Variants in SLC52A3 observed in about 807,000 individuals in gnomAD.
The protein encoded by SLC52A3 is solute carrier family 52, riboflavin transporter, member 3.
SLC52A3 carries 20 observed loss-of-function variants against 29.5 expected under a neutral mutation model. The observed-to-expected ratio is 0.68, with a 90% CI of 0.48 to 0.99. The LOEUF is 0.99. SLC52A3 is among the 50% of genes least tolerant of loss of function. The probability of loss-of-function intolerance (pLI) is 0.00; values close to 1 mark genes in which losing one functional copy is unlikely to be tolerated. For missense variants in SLC52A3, 548 were observed against 612.9 expected, an observed-to-expected ratio of 0.89 and a Z score of 1.12; for synonymous variants, 301 against 271.0, an observed-to-expected ratio of 1.11 and a Z score of -1.09.
At chr20:767,750 A>T (rs1472781073) in intron 1 of SLC52A3, among the ~76,000 whole-genome samples, 1 of 152,202 alleles carries the variant, frequency 6.6e-6, no homozygotes, top group Non-Finnish European at 1.5e-5. Flanking sequence ...TAAGATTTCA[A>T]TCTGGCTTTT....
upstream of SLC52A3, among the ~76,000 whole-genome samples, chr20:777,399 G>A (rs891800465): frequency 2.1e-4 from 32 of 152,070 alleles, no homozygotes; most frequent in African/African-American, 7.2e-4. Flanking sequence ...AATCATTTAT[G>A]TCTACACCTT....
At chr20:769,100 G>A (rs1334078570), upstream of SLC52A3, among the ~76,000 whole-genome samples, 1 of 152,232 alleles carries the variant, frequency 6.6e-6, no homozygotes, top group Non-Finnish European at 1.5e-5. Flanking sequence ...CATTTTGAAG[G>A]TGGAAGGGCC....
rs1013696704 is a variant in SLC52A3, at chr20:761,604, C to T, written c.1197+97G>A. On this transcript the variant is annotated intron_variant, in intron 4 of 4. Coordinates refer to ENST00000645534, the MANE Select transcript of SLC52A3 (RefSeq NM_033409.4). Reference sequence around the variant, plus strand: ...GGGCTTCCCGGGAGGGTCCCACAGACCCCGCTCGCTGGAAAGGGCCGCGCC... The same window carrying T: ...GGGCTTCCCGGGAGGGTCCCACAGATCCCGCTCGCTGGAAAGGGCCGCGCC... 1.9e-6 allele frequency: 3 copies of T among 1,558,980 alleles called. No homozygotes were observed. The African/African-American group carries it at 4.0e-5, about 21-fold the overall frequency.
At chr20:772,715 G>A (rs1986882234), upstream of SLC52A3, among the ~76,000 whole-genome samples, 1 of 152,042 alleles carries the variant, frequency 6.6e-6, no homozygotes, top group Non-Finnish European at 1.5e-5. Context: ...CTGCTCTCAG[G>A]AAGTTGGAGG....
Position 765,779 on chromosome 20 carries a change from GTATCT to G in SLC52A3, c.-10_-6del. On this transcript the variant is annotated 5_prime_UTR_variant, in exon 2 of 5. Coordinates refer to ENST00000645534, the MANE Select transcript of SLC52A3 (RefSeq NM_033409.4). This position sits in a 1 kb window ranked among gnomAD's most constrained non-coding sequence, Gnocchi z 6.6. The stretch of plus-strand genomic sequence containing the variant: ...CAGGTGCATCAGGAAGGCCATGGCG[GTATCT>G]GCCCTGGGCCAGAGGCTTTCTCAGA... The G allele has an allele frequency of 6.1e-5, 99 of 1,611,146 alleles. No individual in the cohort carries two copies. The highest frequency in any genetic ancestry group is 7.7e-5 in the Non-Finnish European group (91 of 1,178,926).
Position 765,238 on chromosome 20 carries a change from A to G in SLC52A3, c.537T>C (p.Pro179=). 1.9e-6 allele frequency: 3 copies of G among 1,614,202 alleles called. No individual in the cohort carries two copies. In the Admixed American group the frequency reaches 5.0e-5, roughly 27 times the overall value. The change falls in exon 2 of 5, where the codon CCT becomes CCC. Residue 179 remains proline (P), a synonymous_variant. Coordinates refer to ENST00000645534, the MANE Select transcript of SLC52A3 (RefSeq NM_033409.4). This position sits in a 1 kb window ranked among gnomAD's most constrained non-coding sequence, Gnocchi z 6.6. Reference sequence around the variant, plus strand: ...CGATGTCAGTCTCCCTCGTGGGTACAGGGCTTGGTACGCTGTCTGATATCT... The same window carrying G: ...CGATGTCAGTCTCCCTCGTGGGTACGGGGCTTGGTACGCTGTCTGATATCT... ...VTEISDSVPS[P]VPTRETDIAQ...
intron 3 of SLC52A3, 73 bp downstream of exon 3, chr20:763,425 T>A: frequency 6.3e-7 from 1 of 1,593,884 alleles, no homozygotes; most frequent in Non-Finnish European, 8.6e-7. Context: ...GCCCAGTAGG[T>A]GCGTTTGGAA....
At chr20:770,858 A>C (rs1052284692), upstream of SLC52A3, among the ~76,000 whole-genome samples, 1 of 152,180 alleles carries the variant, frequency 6.6e-6, no homozygotes, top group Non-Finnish European at 1.5e-5. The surrounding 1 kb of genome is among the most constrained non-coding windows in gnomAD (Gnocchi z 4.5). Flanking sequence ...AAGAGTTAAC[A>C]ATAAGGGAGT....
At chr20:779,590 G>T (rs1219397624), upstream of SLC52A3, among the ~76,000 whole-genome samples, 1 of 152,212 alleles carries the variant, frequency 6.6e-6, no homozygotes, top group Non-Finnish European at 1.5e-5. Context: ...CTGCACTCCA[G>T]GCTGGGCGAC....
At chr20:770,726 T>C (rs1986821914), upstream of SLC52A3, among the ~76,000 whole-genome samples, 3 of 152,242 alleles carry the variant, frequency 2.0e-5, 1 homozygote, top group East Asian at 5.8e-4. The surrounding 1 kb of genome is among the most constrained non-coding windows in gnomAD (Gnocchi z 4.5). Context: ...ATGTCTTTTG[T>C]TTCCAAAGTC....
chr20:765,158 C>T lies in SLC52A3; in HGVS notation c.567+50G>A, dbSNP rs770232217. 8 of 1,607,846 alleles carry T rather than the reference C, an allele frequency of 5.0e-6. No homozygotes were observed. In the African/African-American group the frequency reaches 8.0e-5, roughly 16 times the overall value. On this transcript the variant is annotated intron_variant, in intron 2 of 4. Transcript: ENST00000645534. This position sits in a 1 kb window ranked among gnomAD's most constrained non-coding sequence, Gnocchi z 6.6. ...AGGTGAGCAGTTTTTCCCTCCCCTA[C>T]ATTTGTGATAAAGCCAAGTGCTGAG... is the stretch of plus-strand genomic sequence containing the variant.
Position 761,199 on chromosome 20 carries a change from C to G in SLC52A3, c.1237G>C (p.Val413Leu). 9 of 1,563,510 alleles carry G rather than the reference C, an allele frequency of 5.8e-6. No individual in the cohort carries two copies. Among genetic ancestry groups the G allele is most frequent in the Non-Finnish European group, 6.9e-6 (8 of 1,155,310 alleles). ...AGGACCACGCCCAGCATCACCTTGACGTAACTGAGGCAGCCGCTGAAAAGC... is the reference window on the plus strand; with the variant it reads ...AGGACCACGCCCAGCATCACCTTGAGGTAACTGAGGCAGCCGCTGAAAAGC... ...WVLFSGCLSYVKVMLGVVLRD... is the reference protein window; with the variant it reads ...WVLFSGCLSYLKVMLGVVLRD... Residue 413 changes from valine to leucine, a missense_variant, in exon 5 of 5, where the codon GTC becomes CTC. Coordinates refer to ENST00000645534, the MANE Select transcript of SLC52A3 (RefSeq NM_033409.4).
chr20:765,706 G>A lies in SLC52A3; in HGVS notation c.69C>T (p.Leu23=). 1 of 1,613,804 alleles carries A rather than the reference G, an allele frequency of 6.2e-7. No individual in the cohort carries two copies. Among genetic ancestry groups the A allele is most frequent in the Non-Finnish European group, 8.5e-7 (1 of 1,179,966 alleles). The change falls in exon 2 of 5, where the codon CTC becomes CTT. Residue 23 remains leucine, a synonymous_variant. Coordinates refer to ENST00000645534, the MANE Select transcript of SLC52A3 (RefSeq NM_033409.4). The surrounding 1 kb of genome is among the most constrained non-coding windows in gnomAD (Gnocchi z 6.6). ...TCACCAGCAGGGGCAGCTCTACCCAGAGCCCATTGATGGTCACCCAGGAGC... is the reference window on the plus strand; with the variant it reads ...TCACCAGCAGGGGCAGCTCTACCCAAAGCCCATTGATGGTCACCCAGGAGC... ...GMGSWVTING[L]WVELPLLVME...
intron 1 of SLC52A3, among the ~76,000 whole-genome samples, chr20:775,178 C>T (rs1173680271): frequency 6.6e-6 from 1 of 152,216 alleles, no homozygotes; most frequent in African/African-American, 2.4e-5. Context: ...AACTCCCAGC[C>T]TCCTTCCCAG....
At chr20:772,432 C>T (rs1986870000), upstream of SLC52A3, among the ~76,000 whole-genome samples, 1 of 152,102 alleles carries the variant, frequency 6.6e-6, no homozygotes, top group South Asian at 2.1e-4. Context: ...ACCTCGGGGA[C>T]ACAGTGAGGA....
chr20:770,543 T>C (rs6117550), upstream of SLC52A3, among the ~76,000 whole-genome samples: 4 of 152,226 alleles, frequency 2.6e-5, no homozygotes, highest in Admixed American at 2.0e-4. This position sits in a 1 kb window ranked among gnomAD's most constrained non-coding sequence, Gnocchi z 4.5. Flanking sequence ...ATCAGACTCA[T>C]CTATTTCAGA....
chr20:776,857 G>T (rs1345462603), upstream of SLC52A3, among the ~76,000 whole-genome samples: 10 of 63,596 alleles, frequency 1.6e-4, no homozygotes, highest in East Asian at 1.4e-3. Flanking sequence ...AATCGCTTTT[G>T]GGGGGGGGGC....
At chr20:777,963 T>C (rs980190996), upstream of SLC52A3, among the ~76,000 whole-genome samples, 1 of 151,706 alleles carries the variant, frequency 6.6e-6, no homozygotes, top group Non-Finnish European at 1.5e-5. Flanking sequence ...TTAGTAAAGG[T>C]GCCTGTATCA....
upstream of SLC52A3, among the ~76,000 whole-genome samples, chr20:778,750 G>A (rs1298428112): frequency 3.4e-5 from 5 of 148,284 alleles, no homozygotes; most frequent in Admixed American, 6.8e-5. Flanking sequence ...TTTTTGAGAC[G>A]GAGTCTCACT....
Sources: allele counts gnomAD v4.1 joint callset (sites outside exome capture counted in the v4.1 genomes callset), GRCh38; gene constraint gnomAD v4.1.1; non-coding constraint Gnocchi (gnomAD v3.1); transcripts MANE v1.5; gene names NCBI Gene and HGNC (gene_info 2026-07-23, HGNC 2026-07-21).